DMRT2: variants seen among roughly 807,000 people sequenced by gnomAD.
The protein encoded by DMRT2 is doublesex and mab-3 related transcription factor 2.
DMRT2 carries 33 observed loss-of-function variants against 43.5 expected under a neutral mutation model. The ratio of observed to expected loss-of-function variants is 0.76; its 90% confidence interval spans 0.58 to 1.01. The LOEUF (loss-of-function observed/expected upper bound fraction) is 1.01. DMRT2 is among the 50% of genes least tolerant of loss of function. The pLI is 0.00. For synonymous variants in DMRT2, 395 were observed against 309.2 expected, an observed-to-expected ratio of 1.28 and a Z score of -2.91; for missense variants, 1,064 against 748.0, an observed-to-expected ratio of 1.42 and a Z score of -4.93.
chr9:1,056,448 C>T lies in DMRT2; in HGVS notation c.861C>T (p.Tyr287=), dbSNP rs1821993399. Residue 287 remains tyrosine, a synonymous_variant, in exon 4 of 4, where the codon TAC becomes TAT. Coordinates refer to ENST00000358146, the MANE Select transcript of DMRT2 (RefSeq NM_181872.6). ...ACTACAATTCCTACAAAAGTGCCTA[C>T]AGCCCCAGCCCAGTGGAACCACCAA... The part of the protein sequence containing the change: ...GPDYNSYKSA[Y]SPSPVEPPSK... The T allele has an allele frequency of 1.9e-6, 3 of 1,614,218 alleles. No homozygotes were observed. Among genetic ancestry groups the T allele is most frequent in the Non-Finnish European group, 2.5e-6 (3 of 1,180,032 alleles).
chr9:1,052,807 C>T (rs1821695492), intron 2 of DMRT2, among the ~76,000 whole-genome samples: 1 of 152,160 alleles, frequency 6.6e-6, no homozygotes. Flanking sequence ...CTTGAACCTT[C>T]GATTTTGTAT....
rs1309719583 is a variant in DMRT2 at position 1,057,517 on chromosome 9, A to C, written c.*244A>C. 1.6e-5 allele frequency: 7 copies of C among 431,976 alleles called. No homozygotes were observed. The highest frequency in any genetic ancestry group is 1.5e-4 in the South Asian group (3 of 20,120). The allele number at this position is 431,976 out of a possible 1,614,324, so 26.8% of individuals were successfully genotyped here. ...CCACACTTTACACAGCATTTCAAAA[A>C]GCAATAAAATTGACACTGTCTTCTC... On this transcript the variant is annotated 3_prime_UTR_variant, in exon 4 of 4. Transcript: ENST00000358146.
Position 1,050,605 on chromosome 9 carries a change from C to T in DMRT2, c.-215C>T, listed in dbSNP as rs10959098. On this transcript the variant is annotated 5_prime_UTR_variant, in exon 1 of 4. Coordinates refer to ENST00000358146, the MANE Select transcript of DMRT2 (RefSeq NM_181872.6). ...TTCCCTCCACCTACCTTCTCCCTCCCCCTCCACCATCCAGTGGGTTCGTTC... is the reference window on the plus strand; with the variant it reads ...TTCCCTCCACCTACCTTCTCCCTCCTCCTCCACCATCCAGTGGGTTCGTTC... 6,804 of 152,726 alleles carry T rather than the reference C, an allele frequency of 0.045. 209 individuals carry two copies. Among genetic ancestry groups the T allele is most frequent in the South Asian group, 0.07 (336 of 4,832 alleles). The allele number at this position is 152,726 out of a possible 1,614,324, so 9.5% of individuals were successfully genotyped here.
At chr9:1,055,005 A>C (rs906015162) in intron 3 of DMRT2, among the ~76,000 whole-genome samples, 1 of 152,228 alleles carries the variant, frequency 6.6e-6, no homozygotes, top group African/African-American at 2.4e-5. Flanking sequence ...ACTTCTGACC[A>C]TAGAGTGGTT....
chr9:1,056,153 G>T (rs1821967965), intron 3 of DMRT2, 63 bp from the exon 4 acceptor site: 1 of 1,534,398 alleles, frequency 6.5e-7, no homozygotes. Flanking sequence ...TTACCTTCTG[G>T]GTTTCCACAT....
chr9:1,057,176 A>T lies in DMRT2; in HGVS notation c.1589A>T (p.Gln530Leu), dbSNP rs932633102. 6.2e-7 allele frequency: 1 copy of T among 1,613,960 alleles called. No individual in the cohort carries two copies. Among genetic ancestry groups the T allele is most frequent in the Non-Finnish European group, 8.5e-7 (1 of 1,180,024 alleles). ...RCAKDLFVAK[Q>L]VGTKLSVNEP... The stretch of plus-strand genomic sequence containing the variant: ...GCAAAAGACCTTTTTGTAGCCAAAC[A>T]AGTTGGAACAAAACTCTCGGTGAAT... Residue 530 changes from glutamine to leucine, a missense_variant, in exon 4 of 4, where the codon CAA (glutamine) becomes CTA (leucine). Physicochemically the swap from Gln to Leu is moderately radical, Grantham distance 113. Transcript: ENST00000358146.
chr9:1,056,145 A>T, intron 3 of DMRT2, 71 bp from the exon 4 acceptor site: 1 of 1,530,142 alleles, frequency 6.5e-7, no homozygotes, highest in Non-Finnish European at 8.7e-7. Flanking sequence ...TGTTGCTGTT[A>T]CCTTCTGGGT....
At position 1,050,533 on chromosome 9, in the gene DMRT2, G is replaced by C. The variant is rs541550268; in HGVS notation, c.-287G>C. On this transcript the variant is annotated 5_prime_UTR_variant, in exon 1 of 4. Coordinates refer to ENST00000358146, the MANE Select transcript of DMRT2 (RefSeq NM_181872.6). ...CCGAGCAGAACTTTGCAGAGTTCGG[G>C]ATGTGCTGGGCTAGGTCGCTGAGGA... 6.6e-6 allele frequency: 1 copy of C among 152,544 alleles called. No individual in the cohort carries two copies. Among genetic ancestry groups the C allele is most frequent in the Non-Finnish European group, 1.5e-5 (1 of 68,178 alleles). 9.4% of individuals were successfully genotyped at this position (152,544 alleles called of 1,614,324 possible). A position where few individuals can be genotyped will look rare whatever the true frequency, so the allele number is the denominator to read the frequency against.
intron 2 of DMRT2, among the ~76,000 whole-genome samples, chr9:1,052,685 C>G (rs1821683045): frequency 6.6e-6 from 1 of 152,136 alleles, no homozygotes; most frequent in Admixed American, 6.5e-5. Context: ...GGTCATCAAT[C>G]CGAAGCTACT....
chr9:1,052,831 C>G (rs368982849), intron 2 of DMRT2, among the ~76,000 whole-genome samples: 1 of 152,126 alleles, frequency 6.6e-6, no homozygotes, highest in African/African-American at 2.4e-5. Context: ...TTTCCATGTG[C>G]GCCTGGACAG....
Position 1,056,677 on chromosome 9 carries a change from A to G in DMRT2, c.1090A>G (p.Thr364Ala). Residue 364 changes from threonine (T) to alanine (A), a missense_variant, in exon 4 of 4, where the codon ACC (threonine) becomes GCC (alanine). Transcript: ENST00000358146. ...LLYQQCLLNA[T>A]TSVQALKPGA... ...CTACCAGCAATGCCTGCTAAATGCC[A>G]CCACCTCAGTTCAAGCCCTGAAGCC... is the stretch of plus-strand genomic sequence containing the variant. 6.2e-7 allele frequency: 1 copy of G among 1,614,152 alleles called. No individual in the cohort carries two copies. Among genetic ancestry groups the G allele is most frequent in the South Asian group, 1.1e-5 (1 of 91,078 alleles).
chr9:1,051,904 C>A lies in DMRT2; in HGVS notation c.291C>A (p.Ala97=), dbSNP rs936764788. The A allele has an allele frequency of 1.6e-5, 22 of 1,361,654 alleles. No individual in the cohort carries two copies. Among genetic ancestry groups the A allele is most frequent in the Non-Finnish European group, 1.3e-5 (14 of 1,067,706 alleles). The allele number at this position is 1,361,654 out of a possible 1,614,324, so 84.3% of individuals were successfully genotyped here. The change falls in exon 2 of 4, where the codon GCC becomes GCA. Residue 97 remains alanine (A), a synonymous_variant. Transcript: ENST00000358146. The surrounding 1 kb of genome is among the most constrained non-coding windows in gnomAD (Gnocchi z 5.9). ...RPPLAPQASP[A]GTGPRERCTP... is the part of the protein sequence containing the mutation. Reference sequence around the variant, plus strand: ...CGCTCGCGCCTCAGGCCTCACCCGCCGGCACCGGTCCCCGAGAGCGCTGCA... The same window carrying A: ...CGCTCGCGCCTCAGGCCTCACCCGCAGGCACCGGTCCCCGAGAGCGCTGCA...
chr9:1,053,348 G>A (rs1302902649), intron 2 of DMRT2, among the ~76,000 whole-genome samples: 1 of 152,226 alleles, frequency 6.6e-6, no homozygotes, highest in Admixed American at 6.5e-5. Flanking sequence ...TGGGCTCCCA[G>A]GACCCAGCCT....
In DMRT2 at chr9:1,051,918, G is replaced by A. The variant is rs1201033100; in HGVS notation, c.305G>A (p.Arg102Gln). 1.1e-5 allele frequency: 15 copies of A among 1,363,424 alleles called. No individual in the cohort carries two copies. Among genetic ancestry groups the A allele is most frequent in the Non-Finnish European group, 1.4e-5 (15 of 1,068,688 alleles). The allele number at this position is 1,363,424 out of a possible 1,614,324, so 84.5% of individuals were successfully genotyped here. A position where few individuals can be genotyped will look rare whatever the true frequency, so the allele number is the denominator to read the frequency against. ...GCCTCACCCGCCGGCACCGGTCCCC[G>A]AGAGCGCTGCACTCCCGCGGGCGGC... ...PQASPAGTGP[R>Q]ERCTPAGGGA... The change falls in exon 2 of 4, where the codon CGA becomes CAA. Residue 102 changes from arginine to glutamine, a missense_variant. Physicochemically the swap from Arg to Gln is conservative, Grantham distance 43. Transcript: ENST00000358146. This position sits in a 1 kb window ranked among gnomAD's most constrained non-coding sequence, Gnocchi z 5.9.
chr9:1,053,398 G>C (rs1182659279), intron 2 of DMRT2, among the ~76,000 whole-genome samples: 1 of 152,200 alleles, frequency 6.6e-6, no homozygotes, highest in East Asian at 1.9e-4. Context: ...CCCCCTGAAA[G>C]GGATTTCACT....
rs1484265507 is a variant in DMRT2 at position 1,057,225 on chromosome 9, G to A, written c.1638G>A (p.Glu546=). 1 of 1,613,874 alleles carries A rather than the reference G, an allele frequency of 6.2e-7. No individual in the cohort carries two copies. The highest frequency in any genetic ancestry group is 8.5e-7 in the Non-Finnish European group (1 of 1,179,924). ...ATGAACCACTGTCATTTTCTGTTGAGTCTATTCTTAAGAGGCCTTCATCTG... is the reference window on the plus strand; with the variant it reads ...ATGAACCACTGTCATTTTCTGTTGAATCTATTCTTAAGAGGCCTTCATCTG... ...SVNEPLSFSV[E]SILKRPSSAI... Residue 546 remains glutamate, a synonymous_variant, in exon 4 of 4, where the codon GAG becomes GAA. Coordinates refer to ENST00000358146, the MANE Select transcript of DMRT2 (RefSeq NM_181872.6).
At chr9:1,055,817 A>T in intron 3 of DMRT2, 2 of 1,512,744 alleles carry the variant, frequency 1.3e-6, no homozygotes, top group Non-Finnish European at 1.8e-6. Context: ...TATATTTTTT[A>T]ATAATGAAAA....
rs150037258 is a variant in DMRT2, at chr9:1,056,234, C to T, written c.647C>T (p.Ala216Val). The change falls in exon 4 of 4, where the codon GCG becomes GTG. Residue 216 changes from alanine (A) to valine (V), a missense_variant. By Grantham distance (64) the Ala-to-Val change is moderately conservative. Transcript: ENST00000358146. ...CTTGTAGGCTATCGCCCCATTCCAG[C>T]GGAGACTTATGTAGGAGGGACCTTC... ...SILEGYRPIP[A>V]ETYVGGTFPL... The T allele has an allele frequency of 1.2e-4, 190 of 1,610,324 alleles. No homozygotes were observed. The African/African-American group carries it at 1.5e-3, about 13-fold the overall frequency.
At chr9:1,054,316 T>C (rs575527869) in intron 3 of DMRT2, among the ~76,000 whole-genome samples, 2 of 152,234 alleles carry the variant, frequency 1.3e-5, no homozygotes, top group Admixed American at 6.5e-5. Flanking sequence ...GCTGAATAGA[T>C]GAAGTCAAGT....
Sources: gnomAD v4.1 joint callset for allele counts (sites outside exome capture counted in the v4.1 genomes callset) on GRCh38, gnomAD v4.1.1 for gene constraint, Gnocchi (gnomAD v3.1) non-coding constraint, MANE v1.5 for transcripts, NCBI Gene and HGNC (gene_info 2026-07-23, HGNC 2026-07-21) for gene names.